Variants in LARP1 observed in about 807,000 individuals in gnomAD.
LARP1 encodes la-related protein 1.
A neutral mutation model predicts 122.7 loss-of-function variants in LARP1; 36 were observed. The observed-to-expected ratio is 0.29, with a 90% CI of 0.22 to 0.39. LARP1 has a LOEUF of 0.39. LARP1 is among the 10% of genes least tolerant of loss of function. The pLI is 1.00. For missense variants in LARP1, 1,040 were observed against 1,403.6 expected (o/e 0.74, Z 4.14); for synonymous variants, 539 against 528.7 (o/e 1.02, Z -0.27).
intron 1 of LARP1, among the ~76,000 whole-genome samples, chr5:154,746,456 C>T (rs1164521434): frequency 6.6e-6 from 1 of 152,178 alleles, no homozygotes; most frequent in Admixed American, 6.5e-5. Flanking sequence ...ACATGGTTAC[C>T]TGAGTTTGTC....
intron 1 of LARP1, among the ~76,000 whole-genome samples, chr5:154,770,655 T>C (rs1204024979): frequency 6.6e-6 from 1 of 152,188 alleles, no homozygotes; most frequent in Non-Finnish European, 1.5e-5. Flanking sequence ...TCCTGACTTC[T>C]TGTCAGGAAC....
rs114852364 is a variant in LARP1 at position 154,728,486 on chromosome 5, G to A, written c.205+15356G>A. Among the ~76,000 whole-genome samples, 1,207 of 152,180 alleles carry A rather than the reference G, an allele frequency of 7.9e-3. 11 individuals carry two copies. Among genetic ancestry groups the A allele is most frequent in the African/African-American group, 0.028 (1,156 of 41,518 alleles). On this transcript the variant is annotated intron_variant, in intron 1 of 18. Transcript: ENST00000336314. ...GGTCTTCAAGAGGACTTGCGTTTTCGGTATTCACCCTTTTGGAACTCAGCT... is the reference window on the plus strand; with the variant it reads ...GGTCTTCAAGAGGACTTGCGTTTTCAGTATTCACCCTTTTGGAACTCAGCT...
At chr5:154,687,553 T>G (rs1753994440) in intron 1 of LARP1, among the ~76,000 whole-genome samples, 1 of 152,210 alleles carries the variant, frequency 6.6e-6, no homozygotes, top group Non-Finnish European at 1.5e-5. Flanking sequence ...GGCTAATTTT[T>G]TGTATTTTTA....
chr5:154,761,027 A>G (rs1004086368), intron 1 of LARP1, among the ~76,000 whole-genome samples: 5 of 152,222 alleles, frequency 3.3e-5, no homozygotes, highest in South Asian at 2.1e-4. Context: ...AGGTTAGTCT[A>G]TTACATAAGA....
chr5:154,795,319 G>C lies in LARP1; in HGVS notation c.1377G>C (p.Ala459=). Residue 459 remains alanine, a splice_region_variant and synonymous_variant, in exon 8 of 19, where the codon GCG becomes GCC. Coordinates refer to ENST00000518297, the MANE Select transcript of LARP1 (RefSeq NM_033551.3). The part of the protein sequence containing the change: ...ALTTDISLIF[A]ALKDSKVVEI... ...CCACTGACATTTCACTCATCTTTGCGGTATGTCTTCCTCCCTGGAGCTGGG... is the reference window on the plus strand; with the variant it reads ...CCACTGACATTTCACTCATCTTTGCCGTATGTCTTCCTCCCTGGAGCTGGG... 1 of 1,613,534 alleles carries C rather than the reference G, an allele frequency of 6.2e-7. No homozygotes were observed. The highest frequency in any genetic ancestry group is 8.5e-7 in the Non-Finnish European group (1 of 1,179,720).
At chr5:154,712,417 G>C (rs988508380), upstream of LARP1, among the ~76,000 whole-genome samples, 1 of 152,110 alleles carries the variant, frequency 6.6e-6, no homozygotes, top group Non-Finnish European at 1.5e-5. Context: ...CCTCTCTGTC[G>C]ACCTTCCTTG....
At chr5:154,761,177 C>T (rs1404272427) in intron 1 of LARP1, among the ~76,000 whole-genome samples, 5 of 152,208 alleles carry the variant, frequency 3.3e-5, no homozygotes, top group Non-Finnish European at 7.3e-5. Flanking sequence ...CAGCTTTCAT[C>T]GGGAGCCTTC....
intron 1 of LARP1, among the ~76,000 whole-genome samples, chr5:154,739,397 G>A (rs1757096021): frequency 6.6e-6 from 1 of 152,192 alleles, no homozygotes; most frequent in African/African-American, 2.4e-5. Flanking sequence ...AGTAGGTTGA[G>A]TTTAGCTATT....
intron 1 of LARP1, among the ~76,000 whole-genome samples, chr5:154,785,302 T>G (rs552404550): frequency 1.7e-4 from 26 of 152,322 alleles, no homozygotes; most frequent in African/African-American, 6.0e-4. Context: ...CTGTATGAAT[T>G]GAACCAATTA....
At chr5:154,685,381 G>A (rs1176816758) in intron 1 of LARP1, among the ~76,000 whole-genome samples, 9 of 151,980 alleles carry the variant, frequency 5.9e-5, no homozygotes, top group Non-Finnish European at 1.3e-4. Context: ...TAGGTCCTTT[G>A]GCCATGGTAC....
chr5:154,739,873 C>T (rs1757125055), intron 1 of LARP1, among the ~76,000 whole-genome samples: 2 of 152,126 alleles, frequency 1.3e-5, no homozygotes, highest in African/African-American at 4.8e-5. Flanking sequence ...GCAAACAAAC[C>T]ATTCCAGAGA....
At position 154,773,362 on chromosome 5, in the gene LARP1, G is replaced by C. The variant is rs147719200; in HGVS notation, c.437-16963G>C. The stretch of plus-strand genomic sequence containing the variant: ...CCCTCAAAGCCACCTTAGGAAGGAA[G>C]GTAACAGTTTGCTGTTGAGAGAAAG... On this transcript the variant is annotated intron_variant, in intron 1 of 18. Coordinates refer to ENST00000518297, the MANE Select transcript of LARP1 (RefSeq NM_033551.3). Among the ~76,000 whole-genome samples the C allele has an allele frequency of 5.1e-4, 78 of 152,280 alleles. 2 individuals are homozygous for C. The highest frequency in any genetic ancestry group is 1.9e-3 in the African/African-American group (77 of 41,552).
intron 16 of LARP1, among the ~76,000 whole-genome samples, chr5:154,809,851 G>A (rs1293430039): frequency 5.3e-5 from 8 of 151,616 alleles, no homozygotes; most frequent in South Asian, 2.1e-4. Flanking sequence ...GACCACAGGC[G>A]CCTGCCACCA....
At chr5:154,718,760 T>G (rs558147695) in intron 1 of LARP1, 22 of 152,324 alleles carry the variant, frequency 1.4e-4, no homozygotes, top group African/African-American at 5.1e-4. Context: ...AAGTAGAGTG[T>G]TGAAAAGGCT....
At chr5:154,740,435 A>T (rs1479496716) in intron 1 of LARP1, among the ~76,000 whole-genome samples, 1 of 151,536 alleles carries the variant, frequency 6.6e-6, no homozygotes, top group African/African-American at 2.4e-5. Flanking sequence ...CACCACCAAC[A>T]CTCAGTAGGT....
intron 1 of LARP1, among the ~76,000 whole-genome samples, chr5:154,741,704 A>C (rs1561557495): frequency 1.3e-5 from 2 of 152,116 alleles, no homozygotes; most frequent in Non-Finnish European, 2.9e-5. Flanking sequence ...ACGGGGGGAA[A>C]ATCTGGAGGT....
intron 1 of LARP1, among the ~76,000 whole-genome samples, chr5:154,691,261 CAA>C (rs569760689): frequency 1.7e-5 from 2 of 115,710 alleles, no homozygotes; most frequent in Admixed American, 8.7e-5. Flanking sequence ...GACTCCGTCT[CAA>C]AAAAAAAAAA....
intron 1 of LARP1, among the ~76,000 whole-genome samples, chr5:154,772,698 G>GT (rs112371391): frequency 1.3e-5 from 2 of 152,072 alleles, no homozygotes; most frequent in East Asian, 1.9e-4. Flanking sequence ...GTTTTGTTTT[G>GT]TTTTTTGAGA....
chr5:154,721,967 G>T (rs1231552243), intron 1 of LARP1, among the ~76,000 whole-genome samples: 1 of 152,144 alleles, frequency 6.6e-6, no homozygotes, highest in Admixed American at 6.5e-5. Context: ...CAGTCACTCA[G>T]TCTACCAGCT....
Sources: gnomAD v4.1 joint callset for allele counts (sites outside exome capture counted in the v4.1 genomes callset) on GRCh38, gnomAD v4.1.1 for gene constraint, MANE v1.5 for transcripts, NCBI Gene and HGNC (gene_info 2026-07-23, HGNC 2026-07-21) for gene names.